The following STARD13 variants were observed in gnomAD, a reference collection of about 807,000 sequenced individuals.
The protein encoded by STARD13 is StAR related lipid transfer domain containing 13, also known as stAR-related lipid transfer protein 13.
A neutral mutation model predicts 106.4 loss-of-function variants in STARD13; 62 were observed. The ratio of observed to expected loss-of-function variants is 0.58; its 90% CI spans 0.48 to 0.72. The LOEUF is 0.72. Ranked by LOEUF, STARD13 falls within the 30% of genes least tolerant of loss-of-function variation. The pLI is 0.00. For missense variants in STARD13, 1,387 were observed against 1,424.0 expected (o/e 0.97, Z 0.42); for synonymous variants, 565 against 553.0 (o/e 1.02, Z -0.31).
At chr13:33,381,605 T>G in the STARD13 span, among the ~76,000 whole-genome samples, 2 of 151,992 alleles carry the variant, frequency 1.3e-5, no homozygotes, top group African/African-American at 4.8e-5. Context: ...CCAGGCGTGG[T>G]GGCAGGCGCC....
At chr13:33,603,818 T>G in the STARD13 span, among the ~76,000 whole-genome samples, 1 of 152,088 alleles carries the variant, frequency 6.6e-6, no homozygotes, top group Non-Finnish European at 1.5e-5. Context: ...TGCTGTGTGA[T>G]CCCACAAACC....
chr13:33,673,417 T>C, the STARD13 span, among the ~76,000 whole-genome samples: 1 of 152,018 alleles, frequency 6.6e-6, no homozygotes, highest in Admixed American at 6.5e-5. Flanking sequence ...TCTTTGTGAG[T>C]CCTCTAAGTG....
the STARD13 span, among the ~76,000 whole-genome samples, chr13:33,420,010 T>C: frequency 1.3e-5 from 2 of 152,186 alleles, no homozygotes; most frequent in African/African-American, 4.8e-5. Context: ...ACATGCCAAA[T>C]GGTAAAGACC....
chr13:33,606,711 G>T, the STARD13 span, among the ~76,000 whole-genome samples: 2 of 152,208 alleles, frequency 1.3e-5, no homozygotes, highest in South Asian at 4.1e-4. Context: ...AAATGTAGTG[G>T]CTTAAAATAA....
chr13:33,575,889 G>A, the STARD13 span, among the ~76,000 whole-genome samples: 1 of 152,068 alleles, frequency 6.6e-6, no homozygotes, highest in Non-Finnish European at 1.5e-5. Flanking sequence ...CAAGAAATTT[G>A]CAAAGCCCCT....
intron 1 of STARD13, chr13:33,272,998 T>G (rs1891236816): frequency 1.3e-5 from 2 of 152,228 alleles, no homozygotes; most frequent in East Asian, 1.9e-4. Context: ...TGCAGCTGCA[T>G]GCCGCCAAGT....
intron 1 of STARD13, among the ~76,000 whole-genome samples, chr13:33,171,716 GTGT>G (rs1414133456): frequency 6.6e-6 from 1 of 152,236 alleles, no homozygotes; most frequent in Non-Finnish European, 1.5e-5. Context: ...GAGATATCCA[GTGT>G]TTCCACTGGT....
At chr13:33,661,748 T>C in the STARD13 span, among the ~76,000 whole-genome samples, 1 of 152,098 alleles carries the variant, frequency 6.6e-6, no homozygotes, top group Non-Finnish European at 1.5e-5. Flanking sequence ...CACCTGGTCC[T>C]GCCCTTAACA....
the STARD13 span, among the ~76,000 whole-genome samples, chr13:33,436,609 A>C: frequency 6.6e-6 from 1 of 152,232 alleles, no homozygotes; most frequent in Non-Finnish European, 1.5e-5. Context: ...ACAGCATAAT[A>C]GGCATAAACT....
chr13:33,654,373 G>A, the STARD13 span, among the ~76,000 whole-genome samples: 1 of 152,080 alleles, frequency 6.6e-6, no homozygotes, highest in Non-Finnish European at 1.5e-5. Flanking sequence ...ACACAAAAGG[G>A]TACATACTGT....
the STARD13 span, among the ~76,000 whole-genome samples, chr13:33,652,909 A>G: frequency 1.3e-5 from 2 of 152,264 alleles, no homozygotes; most frequent in Admixed American, 1.3e-4. Context: ...AAAAATGACC[A>G]TCATATACAA....
At chr13:33,299,934 G>A (rs1448581190) in intron 1 of STARD13, among the ~76,000 whole-genome samples, 5 of 152,202 alleles carry the variant, frequency 3.3e-5, no homozygotes, top group Non-Finnish European at 5.9e-5. Flanking sequence ...CATGCAATAT[G>A]TTGGGTGTAT....
At chr13:33,361,057 G>A in the STARD13 span, among the ~76,000 whole-genome samples, 1 of 147,380 alleles carries the variant, frequency 6.8e-6, no homozygotes, top group Non-Finnish European at 1.5e-5. Context: ...CGCCTGCCTC[G>A]GCCTCCCAAA....
chr13:33,153,274 A>T (rs1258870758), intron 3 of STARD13, among the ~76,000 whole-genome samples: 2 of 152,162 alleles, frequency 1.3e-5, no homozygotes, highest in Admixed American at 6.5e-5. Flanking sequence ...GAGCACTTGG[A>T]AATTGGTAGA....
chr13:33,629,269 A>C, the STARD13 span, among the ~76,000 whole-genome samples: 1 of 152,252 alleles, frequency 6.6e-6, no homozygotes, highest in African/African-American at 2.4e-5. Context: ...TCAGCTCATT[A>C]GCAAATCAAC....
chr13:33,374,482 G>C, the STARD13 span, among the ~76,000 whole-genome samples: 2 of 152,168 alleles, frequency 1.3e-5, no homozygotes, highest in East Asian at 3.9e-4. Flanking sequence ...CCCATATTGT[G>C]CTAACAATGT....
chr13:33,242,450 C>G (rs1033061283), intron 1 of STARD13, among the ~76,000 whole-genome samples: 3 of 152,110 alleles, frequency 2.0e-5, no homozygotes, highest in African/African-American at 7.2e-5. Flanking sequence ...ATAACCTTAC[C>G]CTCAACCCCG....
chr13:33,532,146 T>C, the STARD13 span, among the ~76,000 whole-genome samples: 1 of 152,188 alleles, frequency 6.6e-6, no homozygotes, highest in Non-Finnish European at 1.5e-5. Flanking sequence ...TAGCAGGCTC[T>C]TCAGGAAGAT....
chr13:33,110,003 C>G lies in STARD13; in HGVS notation c.2917G>C (p.Glu973Gln). ...AAGTCCTCGTCCCACAGGTGGCGCTCTCTCAGCACGCGGTTCAGGACCACT... is the reference window on the plus strand; with the variant it reads ...AAGTCCTCGTCCCACAGGTGGCGCTGTCTCAGCACGCGGTTCAGGACCACT... ...PSVVLNRVLRERHLWDEDFVQ... is the reference protein window; with the variant it reads ...PSVVLNRVLRQRHLWDEDFVQ... The change falls in exon 12 of 14, where the codon GAG becomes CAG. Residue 973 changes from glutamate to glutamine, a missense_variant. Transcript: ENST00000336934. 1.2e-6 allele frequency: 2 copies of G among 1,614,244 alleles called. No individual in the cohort carries two copies. The highest frequency in any genetic ancestry group is 1.7e-6 in the Non-Finnish European group (2 of 1,180,050).
Sources: gnomAD v4.1 joint callset for allele counts (sites outside exome capture counted in the v4.1 genomes callset) on GRCh38, gnomAD v4.1.1 for gene constraint, MANE v1.5 for transcripts, NCBI Gene and HGNC (gene_info 2026-07-23, HGNC 2026-07-21) for gene names.